The following JAZF1 variants were observed in gnomAD, a reference collection of about 807,000 sequenced individuals.
JAZF1 encodes the protein JAZF zinc finger 1.
JAZF1 carries 8 observed loss-of-function variants against 26.4 expected under a neutral mutation model. The observed-to-expected ratio is 0.30, with a 90% CI of 0.18 to 0.55. The LOEUF (loss-of-function observed/expected upper bound fraction) is 0.55. Among genes scored for constraint, JAZF1 ranks in the 20% least tolerant of loss-of-function variants. The pLI, the probability that JAZF1 is intolerant of heterozygous loss-of-function variation, is 0.94. For missense variants in JAZF1, 199 were observed against 322.0 expected, an observed-to-expected ratio of 0.62 and a Z score of 2.92; for synonymous variants, 126 against 122.3, an observed-to-expected ratio of 1.03 and a Z score of -0.20.
intron 3 of JAZF1, among the ~76,000 whole-genome samples, chr7:27,854,861 G>C (rs1204127389): frequency 1.3e-5 from 2 of 152,168 alleles, no homozygotes; most frequent in Non-Finnish European, 2.9e-5. Context: ...TTCTCAAGGA[G>C]TATCTTTGTA....
At chr7:27,998,176 G>A (rs989420812) in intron 1 of JAZF1, among the ~76,000 whole-genome samples, 1 of 151,978 alleles carries the variant, frequency 6.6e-6, no homozygotes, top group African/African-American at 2.4e-5. Flanking sequence ...GTACTGGCAG[G>A]GCTAGGACCA....
intron 1 of JAZF1, among the ~76,000 whole-genome samples, chr7:28,036,281 A>C (rs143180035): frequency 6.6e-6 from 1 of 152,368 alleles, no homozygotes; most frequent in East Asian, 1.9e-4. Flanking sequence ...GGTTAGAGTC[A>C]GTCTGATAAA....
Position 28,060,654 on chromosome 7 carries a change from T to A in JAZF1, c.116-68673A>T, listed in dbSNP as rs554783390. On this transcript the variant is annotated intron_variant, in intron 1 of 4. Coordinates refer to ENST00000283928, the MANE Select transcript of JAZF1 (RefSeq NM_175061.4). ...TAGCTCTAAGGTTCAAGACAGAAAA[T>A]TTTCCTTGGAGGAGTCTCAGGTTTT... is the stretch of plus-strand genomic sequence containing the variant. Among the ~76,000 whole-genome samples the A allele has an allele frequency of 5.3e-5, 8 of 152,294 alleles. No homozygotes were observed. In the South Asian group the frequency reaches 1.7e-3, roughly 32 times the overall value.
intron 1 of JAZF1, among the ~76,000 whole-genome samples, chr7:28,110,996 T>C (rs1336947865): frequency 6.6e-6 from 1 of 152,232 alleles, no homozygotes; most frequent in African/African-American, 2.4e-5. Flanking sequence ...GCTTGCAATC[T>C]GGTCAACAAG....
At chr7:28,150,911 A>C (rs1783102865) in intron 1 of JAZF1, among the ~76,000 whole-genome samples, 1 of 152,234 alleles carries the variant, frequency 6.6e-6, no homozygotes, top group South Asian at 2.1e-4. Flanking sequence ...CTCATTCGAT[A>C]GGTAACGCCA....
chr7:27,848,663 A>C (rs145396472), intron 3 of JAZF1, among the ~76,000 whole-genome samples: 4 of 152,312 alleles, frequency 2.6e-5, no homozygotes, highest in African/African-American at 9.6e-5. Context: ...TTGAAGTGCC[A>C]CGGTTTTGAG....
At chr7:27,982,010 C>G (rs774010537) in intron 2 of JAZF1, among the ~76,000 whole-genome samples, 1 of 152,178 alleles carries the variant, frequency 6.6e-6, no homozygotes, top group African/African-American at 2.4e-5. Context: ...CCAAGATGGC[C>G]GAATAGGAAC....
intron 2 of JAZF1, among the ~76,000 whole-genome samples, chr7:27,988,356 C>T (rs1465246790): frequency 1.3e-5 from 2 of 151,860 alleles, no homozygotes; most frequent in Non-Finnish European, 2.9e-5. Flanking sequence ...TACATTTTCC[C>T]CCTTAGGTTA....
intron 2 of JAZF1, among the ~76,000 whole-genome samples, chr7:27,980,436 G>C (rs950920303): frequency 6.6e-6 from 1 of 152,042 alleles, no homozygotes; most frequent in Non-Finnish European, 1.5e-5. Context: ...AGAGTGTAGA[G>C]TAATTTTAAA....
At chr7:27,870,209 G>A (rs955980951) in intron 3 of JAZF1, among the ~76,000 whole-genome samples, 1 of 151,350 alleles carries the variant, frequency 6.6e-6, no homozygotes, top group Admixed American at 6.6e-5. Context: ...ACAGGCGTGA[G>A]CCACCATGCC....
intron 3 of JAZF1, among the ~76,000 whole-genome samples, chr7:27,857,292 C>T (rs980676671): frequency 2.6e-5 from 4 of 152,338 alleles, no homozygotes; most frequent in Middle Eastern, 3.4e-3. Context: ...TGCGGGCTGG[C>T]TGGCCGCTCC....
chr7:27,933,622 C>A (rs769374419), intron 2 of JAZF1, among the ~76,000 whole-genome samples: 8 of 152,158 alleles, frequency 5.3e-5, no homozygotes, highest in Non-Finnish European at 1.0e-4. Flanking sequence ...CCATATTTGG[C>A]TAAATATTCT....
intron 1 of JAZF1, among the ~76,000 whole-genome samples, chr7:28,141,833 A>G (rs1280152355): frequency 6.6e-6 from 1 of 152,232 alleles, no homozygotes; most frequent in Non-Finnish European, 1.5e-5. Context: ...CATGTTTAAA[A>G]TGAAAAAGTT....
intron 3 of JAZF1, among the ~76,000 whole-genome samples, chr7:27,879,141 G>T (rs1025484920): frequency 1.3e-5 from 2 of 152,104 alleles, no homozygotes; most frequent in African/African-American, 4.8e-5. Flanking sequence ...ACGCATTTTA[G>T]TTGTTTTCTC....
At chr7:27,869,365 C>T (rs1041324743) in intron 3 of JAZF1, among the ~76,000 whole-genome samples, 10 of 152,206 alleles carry the variant, frequency 6.6e-5, no homozygotes, top group Non-Finnish European at 8.8e-5. Flanking sequence ...CCATTAGGTT[C>T]TGCCTGAACT....
intron 2 of JAZF1, among the ~76,000 whole-genome samples, chr7:27,980,375 G>A (rs1451934736): frequency 6.6e-6 from 1 of 151,978 alleles, no homozygotes; most frequent in Non-Finnish European, 1.5e-5. Context: ...GAAAATCATA[G>A]GTTTTTTTTC....
At chr7:27,987,806 G>C (rs1785762692) in intron 2 of JAZF1, among the ~76,000 whole-genome samples, 1 of 152,254 alleles carries the variant, frequency 6.6e-6, no homozygotes, top group African/African-American at 2.4e-5. Context: ...TGTGTAGAAA[G>C]AAGTAGCCAT....
intron 1 of JAZF1, among the ~76,000 whole-genome samples, chr7:28,002,411 G>A (rs918992017): frequency 2.6e-5 from 4 of 152,096 alleles, no homozygotes; most frequent in African/African-American, 7.2e-5. Flanking sequence ...TATGACAATC[G>A]ACCTCTTATT....
At chr7:28,051,835 A>T (rs1335980477) in intron 1 of JAZF1, among the ~76,000 whole-genome samples, 2 of 152,214 alleles carry the variant, frequency 1.3e-5, no homozygotes, top group African/African-American at 4.8e-5. Flanking sequence ...AGAAATCACA[A>T]GGAAAGAAAT....
Sources: allele counts gnomAD v4.1 joint callset (sites outside exome capture counted in the v4.1 genomes callset), GRCh38; gene constraint gnomAD v4.1.1; transcripts MANE v1.5; gene names NCBI Gene and HGNC (gene_info 2026-07-23, HGNC 2026-07-21).